Variants in SUMF1 observed in about 807,000 individuals in gnomAD.
The protein encoded by SUMF1 is formylglycine-generating enzyme.
SUMF1 carries 48 observed loss-of-function variants against 47.6 expected under a neutral mutation model. The observed-to-expected ratio is 1.01, with a 90% CI of 0.80 to 1.28. SUMF1 has a LOEUF of 1.28. Among genes scored for constraint, SUMF1 ranks in the 50% most tolerant of loss-of-function variants. The pLI, the probability that SUMF1 is intolerant of heterozygous loss-of-function variation, is 0.00. For synonymous variants in SUMF1, 230 were observed against 192.1 expected, an observed-to-expected ratio of 1.20 and a Z score of -1.63; for missense variants, 571 against 485.4, an observed-to-expected ratio of 1.18 and a Z score of -1.66.
At chr3:4,124,974 T>C (rs1466565747) in intron 8 of SUMF1, among the ~76,000 whole-genome samples, 1 of 152,160 alleles carries the variant, frequency 6.6e-6, no homozygotes, top group African/African-American at 2.4e-5. Flanking sequence ...ATCTGATAGC[T>C]ATGTGATTCC....
chr3:4,409,857 C>T (rs1200338136), intron 7 of SUMF1, among the ~76,000 whole-genome samples: 1 of 152,162 alleles, frequency 6.6e-6, no homozygotes, highest in Non-Finnish European at 1.5e-5. Context: ...TTAAGCATAT[C>T]CAACAACTTT....
At chr3:4,460,739 C>A (rs910569924) in intron 1 of SUMF1, among the ~76,000 whole-genome samples, 1 of 151,690 alleles carries the variant, frequency 6.6e-6, no homozygotes, top group Non-Finnish European at 1.5e-5. Flanking sequence ...CTCACAGCAC[C>A]CTTGATCGTC....
chr3:4,190,501 G>A (rs1312482422), intron 8 of SUMF1, among the ~76,000 whole-genome samples: 1 of 143,742 alleles, frequency 7.0e-6, no homozygotes, highest in Non-Finnish European at 1.5e-5. Context: ...CAAGACTGAG[G>A]AATGCATTAT....
At chr3:4,049,350 T>G (rs1695063094) in intron 9 of SUMF1, among the ~76,000 whole-genome samples, 1 of 152,166 alleles carries the variant, frequency 6.6e-6, no homozygotes, top group Admixed American at 6.5e-5. Context: ...TATGTCTACC[T>G]TCAAGAAAGT....
Position 4,164,945 on chromosome 3 carries a change from T to A in SUMF1, c.1015-96200A>T, listed in dbSNP as rs545370368. Among the ~76,000 whole-genome samples, 10 of 152,256 alleles carry A rather than the reference T, an allele frequency of 6.6e-5. 1 individual carries two copies. The South Asian group carries it at 2.1e-3, about 32-fold the overall frequency. Reference sequence around the variant, plus strand: ...TCCTTTCCCTAAGTTATCGCGGACATCATCGAATAATTCATGGGCTTTTTC... The same window carrying A: ...TCCTTTCCCTAAGTTATCGCGGACAACATCGAATAATTCATGGGCTTTTTC... On this transcript the variant is annotated intron_variant and NMD_transcript_variant, in intron 8 of 12. Coordinates refer to the SUMF1 transcript ENST00000448413.
chr3:4,103,217 C>G (rs1307864823), intron 8 of SUMF1, among the ~76,000 whole-genome samples: 1 of 150,664 alleles, frequency 6.6e-6, no homozygotes, highest in African/African-American at 2.5e-5. Context: ...GCCACTGTGC[C>G]CGGCCAACAC....
intron 1 of SUMF1, among the ~76,000 whole-genome samples, chr3:4,457,690 G>A (rs1479913735): frequency 6.6e-6 from 1 of 152,210 alleles, no homozygotes; most frequent in African/African-American, 2.4e-5. Context: ...ATATCCACAT[G>A]TAGAAGAATG....
intron 8 of SUMF1, among the ~76,000 whole-genome samples, chr3:4,220,784 G>A (rs951845882): frequency 6.6e-6 from 1 of 152,100 alleles, no homozygotes; most frequent in African/African-American, 2.4e-5. Context: ...GACTGAACTA[G>A]CTTGTATCCA....
chr3:4,368,938 C>T (rs138442740), intron 8 of SUMF1, among the ~76,000 whole-genome samples: 4 of 152,254 alleles, frequency 2.6e-5, no homozygotes, highest in African/African-American at 7.2e-5. Flanking sequence ...AGCTCAAGTC[C>T]CTGCAAACTG....
chr3:4,207,354 T>C (rs548337550), intron 8 of SUMF1, among the ~76,000 whole-genome samples: 1 of 152,288 alleles, frequency 6.6e-6, no homozygotes, highest in Admixed American at 6.5e-5. Flanking sequence ...GCCTCGAATG[T>C]CCAGTGCAAT....
chr3:4,336,999 C>A (rs1699166136), intron 8 of SUMF1, among the ~76,000 whole-genome samples: 1 of 152,206 alleles, frequency 6.6e-6, no homozygotes, highest in Non-Finnish European at 1.5e-5. Flanking sequence ...CGAATTCCAA[C>A]TCTACATGCT....
At chr3:4,171,635 A>T (rs193076022) in intron 8 of SUMF1, among the ~76,000 whole-genome samples, 2 of 152,304 alleles carry the variant, frequency 1.3e-5, no homozygotes, top group Admixed American at 1.3e-4. Context: ...GGAAGCACAA[A>T]GAGGCAGTAC....
intron 8 of SUMF1, among the ~76,000 whole-genome samples, chr3:4,162,094 C>A (rs1034425731): frequency 6.6e-6 from 1 of 152,182 alleles, no homozygotes; most frequent in African/African-American, 2.4e-5. Flanking sequence ...GTGTACCTAG[C>A]AATATCATTT....
chr3:4,372,374 G>C (rs1045853923), intron 8 of SUMF1, among the ~76,000 whole-genome samples: 1 of 152,072 alleles, frequency 6.6e-6, no homozygotes, highest in East Asian at 1.9e-4. Context: ...ATCTAAAAAA[G>C]AAAATTTTTT....
chr3:4,363,588 T>C (rs1261110679), intron 8 of SUMF1, among the ~76,000 whole-genome samples: 1 of 151,868 alleles, frequency 6.6e-6, no homozygotes, highest in Non-Finnish European at 1.5e-5. Context: ...CCTGAGACGT[T>C]GCTGAAGTTG....
chr3:4,065,297 T>C (rs569449397), intron 9 of SUMF1, among the ~76,000 whole-genome samples: 17 of 152,260 alleles, frequency 1.1e-4, no homozygotes. Flanking sequence ...TATGCTTCAC[T>C]GGGCTAGAAA....
intron 8 of SUMF1, among the ~76,000 whole-genome samples, chr3:4,367,314 G>GC (rs1314612092): frequency 7.9e-5 from 12 of 152,184 alleles, no homozygotes; most frequent in South Asian, 4.1e-4. Context: ...TCTGTGCCCT[G>GC]CCCCCAGAGG....
chr3:4,118,069 G>A (rs553675492), intron 8 of SUMF1, among the ~76,000 whole-genome samples: 1 of 152,152 alleles, frequency 6.6e-6, no homozygotes, highest in East Asian at 1.9e-4. Flanking sequence ...ACATATCAGG[G>A]CGGATCTGGC....
chr3:4,101,457 TAG>T (rs942246449), intron 8 of SUMF1, among the ~76,000 whole-genome samples: 2 of 151,932 alleles, frequency 1.3e-5, no homozygotes, highest in African/African-American at 4.8e-5. Context: ...TTTATAGAAG[TAG>T]AGAGTAGAAT....
Sources: allele counts gnomAD v4.1 joint callset (sites outside exome capture counted in the v4.1 genomes callset), GRCh38; gene constraint gnomAD v4.1.1; transcripts MANE v1.5; gene names NCBI Gene and HGNC (gene_info 2026-07-23, HGNC 2026-07-21).